Variants in PTPRD observed in about 807,000 individuals in gnomAD.
The protein encoded by PTPRD is protein tyrosine phosphatase receptor type D, also known as receptor-type tyrosine-protein phosphatase delta.
Under a neutral mutation model 214.5 loss-of-function variants are expected in PTPRD, and 34 were observed. The ratio of observed to expected loss-of-function variants is 0.16; its 90% CI spans 0.12 to 0.21. The LOEUF (loss-of-function observed/expected upper bound fraction) is 0.21, where lower values mean the gene tolerates loss of function less well. Ranked by LOEUF, PTPRD falls within the 10% of genes least tolerant of loss-of-function variation. PTPRD has a pLI of 1.00. For synonymous variants in PTPRD, 1,128 were observed against 845.7 expected, an observed-to-expected ratio of 1.33 and a Z score of -5.79; for missense variants, 2,545 against 2,398.7, an observed-to-expected ratio of 1.06 and a Z score of -1.27.
At chr9:8,835,188 C>T (rs527871575) in intron 11 of PTPRD, among the ~76,000 whole-genome samples, 2 of 152,356 alleles carry the variant, frequency 1.3e-5, no homozygotes, top group Non-Finnish European at 2.9e-5. Context: ...CATAGCTAGA[C>T]ATCACCTGAG....
At chr9:9,762,473 A>G (rs961350252) in intron 6 of PTPRD, among the ~76,000 whole-genome samples, 1 of 152,138 alleles carries the variant, frequency 6.6e-6, no homozygotes, top group African/African-American at 2.4e-5. Context: ...TTGTTCTTCA[A>G]TTCCTCTCTC....
rs570245540 is a variant in PTPRD, at chr9:8,565,122, C to G, written c.353-36343G>C. On this transcript the variant is annotated intron_variant, in intron 14 of 45. Transcript: ENST00000381196. ...GAACATGTGGCCATGTAATCTGCTC[C>G]CTGCTCGTGGAGTTTCAAGCTAACC... Among the ~76,000 whole-genome samples the G allele has an allele frequency of 7.9e-5, 12 of 152,162 alleles. No homozygotes were observed. In the East Asian group the frequency reaches 2.3e-3, roughly 30 times the overall value.
At chr9:8,321,130 A>G (rs1051430316) in intron 44 of PTPRD, among the ~76,000 whole-genome samples, 2 of 152,086 alleles carry the variant, frequency 1.3e-5, no homozygotes, top group African/African-American at 2.4e-5. Flanking sequence ...ACCTTCTGTT[A>G]AGATGAAGCA....
intron 3 of PTPRD, among the ~76,000 whole-genome samples, chr9:10,131,974 G>C (rs12345015): frequency 0.076 from 11,564 of 152,112 alleles, 485 homozygotes; most frequent in East Asian, 0.13. Flanking sequence ...GCTGTATTCT[G>C]GGTTAGCCTC....
At chr9:9,221,214 C>G (rs1305065266) in intron 9 of PTPRD, among the ~76,000 whole-genome samples, 3 of 152,010 alleles carry the variant, frequency 2.0e-5, no homozygotes, top group Non-Finnish European at 4.4e-5. Context: ...CATTCATTGG[C>G]AAAGTGAGAA....
intron 11 of PTPRD, among the ~76,000 whole-genome samples, chr9:8,970,553 C>T (rs2099231244): frequency 6.6e-6 from 1 of 151,178 alleles, no homozygotes; most frequent in Admixed American, 6.6e-5. Flanking sequence ...TATGAGACAG[C>T]AAAAAGAGAC....
At chr9:9,921,510 T>A (rs2082529076) in intron 5 of PTPRD, among the ~76,000 whole-genome samples, 1 of 151,886 alleles carries the variant, frequency 6.6e-6, no homozygotes, top group Admixed American at 6.6e-5. Flanking sequence ...ATATATAGAT[T>A]AAGAAAGTCC....
At chr9:9,879,292 G>T (rs2067877405) in intron 5 of PTPRD, among the ~76,000 whole-genome samples, 1 of 152,174 alleles carries the variant, frequency 6.6e-6, no homozygotes, top group Admixed American at 6.5e-5. Flanking sequence ...TGTGTAGGTT[G>T]TTTAGTAGCA....
At chr9:8,571,945 G>A (rs1322279451) in intron 14 of PTPRD, among the ~76,000 whole-genome samples, 2 of 152,116 alleles carry the variant, frequency 1.3e-5, no homozygotes, top group African/African-American at 4.8e-5. Flanking sequence ...TGATTGCATG[G>A]CAGAGGAAGG....
chr9:8,865,522 T>G (rs993137111), intron 11 of PTPRD, among the ~76,000 whole-genome samples: 7 of 152,164 alleles, frequency 4.6e-5, no homozygotes, highest in South Asian at 2.1e-4. Context: ...GTCCACTAAA[T>G]AGAATGAATT....
chr9:9,896,668 G>A (rs1168169380), intron 5 of PTPRD, among the ~76,000 whole-genome samples: 2 of 152,096 alleles, frequency 1.3e-5, no homozygotes, highest in African/African-American at 4.8e-5. Flanking sequence ...AGTCTAAGAA[G>A]CTAACTGACT....
intron 3 of PTPRD, among the ~76,000 whole-genome samples, chr9:10,264,946 A>C (rs1595698179): frequency 6.6e-6 from 1 of 152,126 alleles, no homozygotes; most frequent in East Asian, 1.9e-4. Flanking sequence ...TGGTTTTATA[A>C]GGGGTTTCCC....
intron 9 of PTPRD, among the ~76,000 whole-genome samples, chr9:9,185,397 C>T (rs926459248): frequency 2.6e-5 from 4 of 152,012 alleles, no homozygotes; most frequent in African/African-American, 9.7e-5. Flanking sequence ...TTTTAGGCAA[C>T]CAACCACCTG....
chr9:8,460,684 G>GATTTAA (rs2096372826), intron 32 of PTPRD, 113 bp from the exon 33 acceptor site: 16 of 1,047,792 alleles, frequency 1.5e-5, no homozygotes, highest in Non-Finnish European at 2.2e-5. Flanking sequence ...TGATAAGTGT[G>GATTTAA]TGATGCAATA....
chr9:8,867,243 C>G (rs750675321), intron 11 of PTPRD, among the ~76,000 whole-genome samples: 1 of 152,076 alleles, frequency 6.6e-6, no homozygotes, highest in Non-Finnish European at 1.5e-5. Flanking sequence ...TTCCTTCTCT[C>G]AGCTTTGTTC....
chr9:9,953,332 A>T (rs943973779), intron 4 of PTPRD, among the ~76,000 whole-genome samples: 4 of 152,172 alleles, frequency 2.6e-5, no homozygotes, highest in African/African-American at 9.7e-5. Context: ...AGCAAAAGGG[A>T]TAAAAAGACT....
At chr9:8,836,629 G>T (rs1182389544) in intron 11 of PTPRD, among the ~76,000 whole-genome samples, 1 of 111,568 alleles carries the variant, frequency 9.0e-6, no homozygotes, top group South Asian at 3.0e-4. Flanking sequence ...ACGGAGTCTC[G>T]CTCTGTTGCC....
At chr9:8,332,268 A>G (rs1043714678) in intron 43 of PTPRD, among the ~76,000 whole-genome samples, 2 of 152,038 alleles carry the variant, frequency 1.3e-5, no homozygotes, top group African/African-American at 4.8e-5. Context: ...CCGTTGTCAA[A>G]TGACAAATGG....
chr9:8,314,348 GAAGT>G lies in PTPRD; in HGVS notation c.*3522_*3525del, dbSNP rs1008061376. 3.5e-5 allele frequency: 8 copies of G among 227,632 alleles called. No homozygotes were observed. The highest frequency in any genetic ancestry group is 1.7e-4 in the Admixed American group (3 of 17,514). The allele number at this position is 227,632 out of a possible 1,614,324, so 14.1% of individuals were successfully genotyped here. ...AGACTTCTTTCGCCACCAATGTAAC[GAAGT>G]AAGAAAATAAAAAGCACGCCTTTCA... On this transcript the variant is annotated 3_prime_UTR_variant, in exon 46 of 46. Transcript: ENST00000381196.
Sources: allele counts gnomAD v4.1 joint callset (sites outside exome capture counted in the v4.1 genomes callset), GRCh38; gene constraint gnomAD v4.1.1; transcripts MANE v1.5; gene names NCBI Gene and HGNC (gene_info 2026-07-23, HGNC 2026-07-21).